The following CHRNA4 variants were observed in gnomAD, a reference collection of about 807,000 sequenced individuals.
The protein encoded by CHRNA4 is neuronal acetylcholine receptor subunit alpha-4.
CHRNA4 carries 28 observed loss-of-function variants against 48.9 expected under a neutral mutation model. The ratio of observed to expected loss-of-function variants is 0.57; its 90% CI spans 0.42 to 0.79. The LOEUF (loss-of-function observed/expected upper bound fraction) is 0.79, where lower values mean the gene tolerates loss of function less well. Among genes scored for constraint, CHRNA4 ranks in the 30% least tolerant of loss-of-function variants. The pLI is 0.00. For missense variants in CHRNA4, 859 were observed against 898.4 expected (o/e 0.96, Z 0.56); for synonymous variants, 425 against 402.3 (o/e 1.06, Z -0.68).
chr20:63,354,973 T>G (rs1011766954), intron 4 of CHRNA4, among the ~76,000 whole-genome samples: 6 of 152,128 alleles, frequency 3.9e-5, no homozygotes, highest in South Asian at 2.1e-4. Context: ...TGGAATCAAT[T>G]GAGTTGGAAG....
intron 2 of CHRNA4, 199 bp from the exon 3 acceptor site, chr20:63,356,614 T>G: frequency 1.6e-6 from 1 of 629,768 alleles, no homozygotes; most frequent in Non-Finnish European, 2.9e-6. Context: ...CCTAGGGATG[T>G]GGGGACAAGG....
rs200631855 is a variant in CHRNA4, at chr20:63,356,426, G to A, written c.229-11C>T. 1.9e-5 allele frequency: 31 copies of A among 1,598,880 alleles called. No homozygotes were observed. Among genetic ancestry groups the A allele is most frequent in the South Asian group, 1.2e-4 (11 of 88,316 alleles). On this transcript the variant is annotated splice_polypyrimidine_tract_variant and intron_variant, in intron 2 of 5. Transcript: ENST00000370263. ...CTGGTTCTTCTCATCCTAGGGCACC[G>A]AGAGAGGAAGGGGGCCAGTGACCCC...
chr20:63,356,494 C>G (rs2068721159), intron 2 of CHRNA4, 79 bp from the exon 3 acceptor site: 4 of 1,416,548 alleles, frequency 2.8e-6, no homozygotes, highest in Non-Finnish European at 3.9e-6. Context: ...TCTACAGCCA[C>G]TGGCACAAGG....
chr20:63,360,489 G>A (rs2068799623), intron 1 of CHRNA4, among the ~76,000 whole-genome samples: 1 of 152,144 alleles, frequency 6.6e-6, no homozygotes, highest in Non-Finnish European at 1.5e-5. Context: ...GCCTGTCCTG[G>A]GCGCTGCCAT....
chr20:63,359,248 C>A (rs527351023), intron 2 of CHRNA4, among the ~76,000 whole-genome samples: 59 of 152,302 alleles, frequency 3.9e-4, no homozygotes, highest in African/African-American at 1.4e-3. Flanking sequence ...CCAAGCAAGG[C>A]CTTTGCTGTT....
At chr20:63,354,983 G>A (rs953167396) in intron 4 of CHRNA4, among the ~76,000 whole-genome samples, 2 of 152,208 alleles carry the variant, frequency 1.3e-5, no homozygotes, top group Non-Finnish European at 2.9e-5. Flanking sequence ...TGAGTTGGAA[G>A]AGGAGCCCAA....
chr20:63,347,205 G>A (rs970924315), intron 5 of CHRNA4, among the ~76,000 whole-genome samples: 6 of 152,352 alleles, frequency 3.9e-5, no homozygotes, highest in Non-Finnish European at 7.3e-5. Context: ...CGGGAAGGGG[G>A]CACGGGGGAG....
At chr20:63,349,625 G>A (rs190727124) in intron 5 of CHRNA4, 28 bp downstream of exon 5, 42 of 1,612,150 alleles carry the variant, frequency 2.6e-5, no homozygotes, top group East Asian at 1.1e-4. Flanking sequence ...GGTCAGAGGC[G>A]CCCAACACAG....
intron 4 of CHRNA4, among the ~76,000 whole-genome samples, chr20:63,352,041 G>A (rs1023810377): frequency 1.3e-5 from 2 of 152,220 alleles, no homozygotes; most frequent in Admixed American, 1.3e-4. Context: ...CAGGCATGGG[G>A]CCAGGCTCAG....
chr20:63,357,153 A>G (rs1425507131), intron 2 of CHRNA4, among the ~76,000 whole-genome samples: 1 of 85,574 alleles, frequency 1.2e-5, no homozygotes, highest in Admixed American at 1.3e-4. Flanking sequence ...CCACAGGACC[A>G]CGTCTCCACA....
At chr20:63,351,946 G>A (rs886431080) in intron 4 of CHRNA4, among the ~76,000 whole-genome samples, 4 of 152,196 alleles carry the variant, frequency 2.6e-5, no homozygotes, top group African/African-American at 4.8e-5. Flanking sequence ...CCAGGCTCAC[G>A]GGGGCAGCAG....
intron 3 of CHRNA4, 91 bp downstream of exon 3, chr20:63,356,280 G>A: frequency 1.7e-6 from 2 of 1,212,070 alleles, no homozygotes; most frequent in Non-Finnish European, 2.3e-6. Flanking sequence ...GGGTGGGGCA[G>A]GGCCAGGGTG....
rs575837357 is a variant in CHRNA4 at position 63,358,982 on chromosome 20, G to A, written c.228+566C>T. On this transcript the variant is annotated intron_variant, in intron 2 of 5. Transcript: ENST00000370263. ...GGCTCCATGTGCACTGGCCCACGCT[G>A]CAGGGGCCTGGCTGGACCAGTAGGC... 3.5e-4 allele frequency among the ~76,000 whole-genome samples: 54 copies of A among 152,310 alleles called. 1 individual carries two copies. In the South Asian group the frequency reaches 9.5e-3, roughly 27 times the overall value.
Position 63,343,785 on chromosome 20 carries a change from C to A in CHRNA4, c.*2953G>T, listed in dbSNP as rs1159031309. On this transcript the variant is annotated 3_prime_UTR_variant, in exon 6 of 6. Transcript: ENST00000370263. ...CGCCCCGGCAGGCTTCGAGCTGCAGCAGTGTCTCCCGCTGCCTGGTGCCTG... is the reference window on the plus strand; with the variant it reads ...CGCCCCGGCAGGCTTCGAGCTGCAGAAGTGTCTCCCGCTGCCTGGTGCCTG... 2.2e-6 allele frequency: 1 copy of A among 454,070 alleles called. No homozygotes were observed. The highest frequency in any genetic ancestry group is 4.4e-6 in the Non-Finnish European group (1 of 226,740). The allele number at this position is 454,070 out of a possible 1,614,324, so 28.1% of individuals were successfully genotyped here. A position where few individuals can be genotyped will look rare whatever the true frequency, so the allele number is the denominator to read the frequency against.
rs201531562 is a variant in CHRNA4 at position 63,344,821 on chromosome 20, C to T, written c.*1917G>A. ...TCTCCCTGCGTCCTGGGAGCTCTGGCCGAGGAGCAGCAGGGGCTGATGGCA... is the reference window on the plus strand; with the variant it reads ...TCTCCCTGCGTCCTGGGAGCTCTGGTCGAGGAGCAGCAGGGGCTGATGGCA... On this transcript the variant is annotated 3_prime_UTR_variant, in exon 6 of 6. Coordinates refer to ENST00000370263, the MANE Select transcript of CHRNA4 (RefSeq NM_000744.7). The surrounding 1 kb of genome is among the most constrained non-coding windows in gnomAD (Gnocchi z 4.5). 4.4e-6 allele frequency: 2 copies of T among 450,482 alleles called. No individual in the cohort carries two copies. Among genetic ancestry groups the T allele is most frequent in the Non-Finnish European group, 8.9e-6 (2 of 224,612 alleles). 27.9% of individuals were successfully genotyped at this position (450,482 alleles called of 1,614,324 possible).
intron 1 of CHRNA4, chr20:63,360,163 C>G: frequency 4.7e-6 from 1 of 210,816 alleles, no homozygotes; most frequent in South Asian, 7.7e-5. Flanking sequence ...TCAGAGGACA[C>G]TCGGGGGTAA....
Position 63,361,276 on chromosome 20 carries a change from C to A in CHRNA4, c.-111G>T. On this transcript the variant is annotated 5_prime_UTR_variant, in exon 1 of 6. Coordinates refer to ENST00000370263, the MANE Select transcript of CHRNA4 (RefSeq NM_000744.7). ...CCCGCGCCTCGCGGGCCGCTTCGGC[C>A]GCCGGGCCCGGTTCGTCTTCTCCTG... is the stretch of plus-strand genomic sequence containing the variant. 1.5e-6 allele frequency: 2 copies of A among 1,373,392 alleles called. No individual in the cohort carries two copies. The highest frequency in any genetic ancestry group is 1.9e-6 in the Non-Finnish European group (2 of 1,064,770). 85.1% of individuals were successfully genotyped at this position (1,373,392 alleles called of 1,614,324 possible).
At chr20:63,351,096 G>A (rs550410904) in intron 4 of CHRNA4, 69 bp from the exon 5 acceptor site, 7 of 1,493,708 alleles carry the variant, frequency 4.7e-6, no homozygotes, top group Middle Eastern at 2.0e-4. Context: ...CACGCCCACT[G>A]CCACACCCAT....
At chr20:63,347,143 G>A (rs924555783) in intron 5 of CHRNA4, among the ~76,000 whole-genome samples, 2 of 152,198 alleles carry the variant, frequency 1.3e-5, no homozygotes, top group Admixed American at 1.3e-4. Flanking sequence ...GTGGAGACAA[G>A]CTCTGCACTA....
Sources: allele counts gnomAD v4.1 joint callset (sites outside exome capture counted in the v4.1 genomes callset), GRCh38; gene constraint gnomAD v4.1.1; non-coding constraint Gnocchi (gnomAD v3.1); transcripts MANE v1.5; gene names NCBI Gene and HGNC (gene_info 2026-07-23, HGNC 2026-07-21).